Variants in ELMO1 observed in about 807,000 individuals in gnomAD.
The protein encoded by ELMO1 is engulfment and cell motility 1, also known as engulfment and cell motility protein 1.
Under a neutral mutation model 98.9 loss-of-function variants are expected in ELMO1, and 26 were observed. That is an observed-to-expected ratio of 0.26 (90% CI 0.19 to 0.36). The LOEUF is 0.36. Among genes scored for constraint, ELMO1 ranks in the 10% least tolerant of loss-of-function variants. ELMO1 has a pLI of 1.00. For missense variants in ELMO1, 627 were observed against 935.2 expected, an observed-to-expected ratio of 0.67 and a Z score of 4.30; for synonymous variants, 346 against 346.0, an observed-to-expected ratio of 1.00 and a Z score of 0.00.
At chr7:37,016,036 A>G (rs563808102) in intron 15 of ELMO1, among the ~76,000 whole-genome samples, 48 of 152,318 alleles carry the variant, frequency 3.2e-4, no homozygotes, top group African/African-American at 9.6e-4. Context: ...ACCAAAGCCA[A>G]TGAAATTTAC....
intron 2 of ELMO1, among the ~76,000 whole-genome samples, chr7:37,340,762 C>T (rs2131251928): frequency 6.6e-6 from 1 of 152,262 alleles, no homozygotes; most frequent in South Asian, 2.1e-4. Context: ...TTAAAACACA[C>T]ACATAGCAAA....
intron 2 of ELMO1, among the ~76,000 whole-genome samples, chr7:37,336,892 G>T (rs1174531668): frequency 6.6e-6 from 1 of 152,194 alleles, no homozygotes; most frequent in Non-Finnish European, 1.5e-5. Flanking sequence ...AGAGTTACTA[G>T]GTCAAGGGGA....
At chr7:37,209,852 TA>T (rs915035543) in intron 13 of ELMO1, among the ~76,000 whole-genome samples, 1 of 152,166 alleles carries the variant, frequency 6.6e-6, no homozygotes, top group Non-Finnish European at 1.5e-5. Flanking sequence ...GCTAAAATTT[TA>T]AAAAATTGAT....
chr7:37,324,305 C>G (rs1799678823), intron 2 of ELMO1, among the ~76,000 whole-genome samples: 1 of 152,166 alleles, frequency 6.6e-6, no homozygotes, highest in Non-Finnish European at 1.5e-5. Flanking sequence ...AGCCAATGTG[C>G]CCACACACCT....
intron 4 of ELMO1, among the ~76,000 whole-genome samples, chr7:37,294,406 C>G (rs1229122948): frequency 6.6e-6 from 1 of 150,824 alleles, no homozygotes; most frequent in Non-Finnish European, 1.5e-5. Flanking sequence ...CTAGCCATGG[C>G]TAACATTAGC....
At chr7:37,105,217 C>T (rs1389021178) in intron 14 of ELMO1, among the ~76,000 whole-genome samples, 1 of 152,164 alleles carries the variant, frequency 6.6e-6, no homozygotes, top group Non-Finnish European at 1.5e-5. Context: ...TCAGGTAGCA[C>T]AAAGAGGGCA....
intron 11 of ELMO1, among the ~76,000 whole-genome samples, chr7:37,216,017 G>C (rs1026283734): frequency 6.9e-6 from 1 of 145,974 alleles, no homozygotes; most frequent in Non-Finnish European, 1.5e-5. Context: ...TTTTTTGTAA[G>C]CAGGGCAATC....
At chr7:37,411,415 G>T (rs2131497966) in intron 1 of ELMO1, among the ~76,000 whole-genome samples, 1 of 152,350 alleles carries the variant, frequency 6.6e-6, no homozygotes, top group Admixed American at 6.5e-5. Context: ...AAAGTGGAAA[G>T]TGACAGTGGA....
intron 13 of ELMO1, chr7:37,211,063 AG>A (rs1325439856): frequency 4.2e-6 from 1 of 238,690 alleles, no homozygotes; most frequent in African/African-American, 2.2e-5. Flanking sequence ...CACTCATTTA[AG>A]GCAAACACAA....
chr7:37,262,964 T>C (rs1444260873), intron 5 of ELMO1, among the ~76,000 whole-genome samples: 2 of 152,198 alleles, frequency 1.3e-5, no homozygotes, highest in African/African-American at 4.8e-5. Context: ...ACCCTCATCA[T>C]GGAGTCCGCC....
At chr7:37,198,224 G>C (rs1268966130) in intron 13 of ELMO1, among the ~76,000 whole-genome samples, 1 of 152,166 alleles carries the variant, frequency 6.6e-6, no homozygotes, top group East Asian at 1.9e-4. Context: ...TGGACTTTGG[G>C]ATATGCCACT....
chr7:36,864,364 AG>A (rs1329582692), intron 20 of ELMO1, among the ~76,000 whole-genome samples: 1 of 152,178 alleles, frequency 6.6e-6, no homozygotes. Flanking sequence ...GTCATGACCT[AG>A]ATTCCTGATA....
intron 15 of ELMO1, among the ~76,000 whole-genome samples, chr7:37,024,913 A>G (rs1170089402): frequency 1.3e-5 from 2 of 152,220 alleles, no homozygotes; most frequent in African/African-American, 4.8e-5. Context: ...GTTATAGAGC[A>G]GCATTCCCAA....
intron 14 of ELMO1, among the ~76,000 whole-genome samples, chr7:37,105,548 C>G (rs1011547541): frequency 1.3e-5 from 2 of 152,176 alleles, no homozygotes; most frequent in Non-Finnish European, 2.9e-5. Context: ...CTGGACTCCA[C>G]CCCCAGAATT....
intron 19 of ELMO1, among the ~76,000 whole-genome samples, chr7:36,872,159 G>A (rs1803569666): frequency 6.6e-6 from 1 of 152,172 alleles, no homozygotes. Flanking sequence ...TTTCTAGGTG[G>A]AGGCCCTCCA....
chr7:37,438,603 A>G (rs1286797576), intron 1 of ELMO1, among the ~76,000 whole-genome samples: 1 of 152,152 alleles, frequency 6.6e-6, no homozygotes, highest in Non-Finnish European at 1.5e-5. Context: ...CTGTCTCAAA[A>G]AAAAAAACAC....
chr7:37,304,519 C>G lies in ELMO1; in HGVS notation c.192+10331G>C, dbSNP rs191383447. Among the ~76,000 whole-genome samples the G allele has an allele frequency of 1.5e-3, 231 of 152,298 alleles. 1 individual carries two copies. Among genetic ancestry groups the G allele is most frequent in the African/African-American group, 5.4e-3 (225 of 41,572 alleles). On this transcript the variant is annotated intron_variant, in intron 4 of 21. Transcript: ENST00000310758. ...TAACCTGAGGTCAGGAGTTCAAGAC[C>G]AGCCTGACCAACATGGTGAAACTCT... is the stretch of plus-strand genomic sequence containing the variant.
At chr7:37,192,814 A>AAG (rs1491442341) in intron 13 of ELMO1, among the ~76,000 whole-genome samples, 1 of 143,606 alleles carries the variant, frequency 7.0e-6, no homozygotes, top group Non-Finnish European at 1.5e-5. Flanking sequence ...AAAAAAAAAA[A>AAG]TGTGTGTGTG....
chr7:37,419,496 A>G (rs969838822), intron 1 of ELMO1: 2 of 152,228 alleles, frequency 1.3e-5, no homozygotes, highest in African/African-American at 4.8e-5. Context: ...ATATGTGATA[A>G]CACTTTGGAA....
Sources: gnomAD v4.1 joint callset for allele counts (sites outside exome capture counted in the v4.1 genomes callset) on GRCh38, gnomAD v4.1.1 for gene constraint, MANE v1.5 for transcripts, NCBI Gene and HGNC (gene_info 2026-07-23, HGNC 2026-07-21) for gene names.